The following SDCCAG8 variants were observed in gnomAD, a reference collection of about 807,000 sequenced individuals.
SDCCAG8 encodes the protein SHH signaling and ciliogenesis regulator SDCCAG8, also known as serologically defined colon cancer antigen 8.
SDCCAG8 carries 74 observed loss-of-function variants against 101.8 expected under a neutral mutation model. That is an observed-to-expected ratio of 0.73 (90% CI 0.60 to 0.88). The LOEUF is 0.88. Among genes scored for constraint, SDCCAG8 ranks in the 40% least tolerant of loss-of-function variants. The pLI, the probability that SDCCAG8 is intolerant of heterozygous loss-of-function variation, is 0.00. For missense variants in SDCCAG8, 787 were observed against 822.6 expected (o/e 0.96, Z 0.53); for synonymous variants, 281 against 292.9 (o/e 0.96, Z 0.41).
intron 12 of SDCCAG8, among the ~76,000 whole-genome samples, chr1:243,361,277 A>G (rs1003784733): frequency 1.3e-5 from 2 of 152,100 alleles, no homozygotes; most frequent in Non-Finnish European, 2.9e-5. Flanking sequence ...TTTCCTGACT[A>G]CCTTGTTTTA....
At chr1:243,404,784 G>A (rs146251208) in intron 13 of SDCCAG8, among the ~76,000 whole-genome samples, 4 of 151,962 alleles carry the variant, frequency 2.6e-5, no homozygotes, top group African/African-American at 7.2e-5. Context: ...TTGACCAAAG[G>A]CACACCATCT....
At chr1:243,494,949 C>T (rs1236837484) in intron 17 of SDCCAG8, among the ~76,000 whole-genome samples, 3 of 152,228 alleles carry the variant, frequency 2.0e-5, no homozygotes, top group Admixed American at 2.0e-4. Context: ...CACTTTCAAA[C>T]ATGAGGCAGC....
intron 13 of SDCCAG8, among the ~76,000 whole-genome samples, chr1:243,390,637 G>A (rs2078643653): frequency 6.6e-6 from 1 of 152,172 alleles, no homozygotes; most frequent in African/African-American, 2.4e-5. Flanking sequence ...CACTGGGGAT[G>A]CACTCATCTC....
At chr1:243,434,524 G>C (rs2082010734) in intron 16 of SDCCAG8, among the ~76,000 whole-genome samples, 1 of 152,190 alleles carries the variant, frequency 6.6e-6, no homozygotes, top group Admixed American at 6.5e-5. Flanking sequence ...CCTAGAGTTT[G>C]TTTCACTGGA....
At chr1:243,414,364 C>T (rs762824280) in intron 13 of SDCCAG8, among the ~76,000 whole-genome samples, 4 of 152,140 alleles carry the variant, frequency 2.6e-5, no homozygotes, top group African/African-American at 4.8e-5. Flanking sequence ...CCTAGTCTGA[C>T]TATCCATTTG....
chr1:243,479,074 G>A (rs903826571), intron 16 of SDCCAG8, among the ~76,000 whole-genome samples: 1 of 152,108 alleles, frequency 6.6e-6, no homozygotes, highest in African/African-American at 2.4e-5. Flanking sequence ...CCTCGTTCAC[G>A]AGATGGAATT....
rs941604656 is a variant in SDCCAG8 at position 243,256,240 on chromosome 1, G to A, written c.67G>A (p.Glu23Lys). 1 of 1,614,064 alleles carries A rather than the reference G, an allele frequency of 6.2e-7. No homozygotes were observed. The highest frequency in any genetic ancestry group is 8.5e-7 in the Non-Finnish European group (1 of 1,179,908). The part of the protein sequence containing the change: ...ILGQYQRSLR[E>K]HASRSIHQLT... ...GGGGCAGTATCAACGGAGTCTCCGG[G>A]GTGAGTTGCTCCAAACCTCTGTCCC... The change falls in exon 1 of 18, where the codon GAA becomes AAA. Residue 23 changes from glutamate (E) to lysine (K), a missense_variant and splice_region_variant. Coordinates refer to ENST00000366541, the MANE Select transcript of SDCCAG8 (RefSeq NM_006642.5).
intron 16 of SDCCAG8, among the ~76,000 whole-genome samples, chr1:243,457,644 T>C (rs999379733): frequency 2.6e-5 from 4 of 152,244 alleles, no homozygotes; most frequent in African/African-American, 9.6e-5. Context: ...TTTCAAAGTA[T>C]AGTATCTAAG....
At chr1:243,325,845 G>C (rs564337594) in intron 9 of SDCCAG8, among the ~76,000 whole-genome samples, 2 of 152,306 alleles carry the variant, frequency 1.3e-5, no homozygotes, top group South Asian at 4.1e-4. Flanking sequence ...AAATATTTTT[G>C]TTTGAAAATG....
rs533340685 is a variant in SDCCAG8 at position 243,319,470 on chromosome 1, A to G, written c.1068+2577A>G. On this transcript the variant is annotated intron_variant, in intron 9 of 17. Coordinates refer to ENST00000366541, the MANE Select transcript of SDCCAG8 (RefSeq NM_006642.5). ...CTCACTGTAACCTCAGCTTCCTGGAATCAAGTGATTCTCCCACCTCAGCCT... is the reference window on the plus strand; with the variant it reads ...CTCACTGTAACCTCAGCTTCCTGGAGTCAAGTGATTCTCCCACCTCAGCCT... Among the ~76,000 whole-genome samples the G allele has an allele frequency of 2.6e-5, 4 of 152,136 alleles. 1 individual carries two copies. In the East Asian group the frequency reaches 5.8e-4, roughly 22 times the overall value.
intron 12 of SDCCAG8, among the ~76,000 whole-genome samples, chr1:243,365,840 A>AT (rs1379645125): frequency 6.6e-6 from 1 of 152,030 alleles, no homozygotes. Flanking sequence ...ATGTATGTTG[A>AT]TTTTCCTGTA....
intron 16 of SDCCAG8, among the ~76,000 whole-genome samples, chr1:243,441,731 T>C (rs992496627): frequency 1.3e-5 from 2 of 152,230 alleles, no homozygotes; most frequent in South Asian, 2.1e-4. Flanking sequence ...TATCTTAACA[T>C]TGAGATTGTT....
rs769333887 is a variant in SDCCAG8, at chr1:243,274,651, T to C, written c.415T>C (p.Cys139Arg). 1.5e-5 allele frequency: 23 copies of C among 1,553,104 alleles called. No homozygotes were observed. The highest frequency in any genetic ancestry group is 1.7e-5 in the Admixed American group (1 of 59,870). ...IHHLEAEVKF[C>R]KEELSGMKNK... ...TCATTTAGAGGCAGAAGTTAAGTTC[T>C]GCAAGGTAAGTTTCTCATTAAGAAT... Residue 139 changes from cysteine (C) to arginine (R), a missense_variant, in exon 4 of 18, where the codon TGC (cysteine) becomes CGC (arginine). Coordinates refer to ENST00000366541, the MANE Select transcript of SDCCAG8 (RefSeq NM_006642.5).
Position 243,416,582 on chromosome 1 carries a change from A to G in SDCCAG8, c.1744+753A>G, listed in dbSNP as rs1262257553. Among the ~76,000 whole-genome samples, 1 of 152,208 alleles carries G rather than the reference A, an allele frequency of 6.6e-6. No homozygotes were observed. Among genetic ancestry groups the G allele is most frequent in the Non-Finnish European group, 1.5e-5 (1 of 68,036 alleles). On this transcript the variant is annotated intron_variant, in intron 14 of 17. Transcript: ENST00000366541. The surrounding 1 kb of genome is among the most constrained non-coding windows in gnomAD (Gnocchi z 4.3). ...GCTTGGCTAAAAATTGCCATCTTTC[A>G]TCACATTGGCACTATTCTGCAGACT... is the stretch of plus-strand genomic sequence containing the variant.
chr1:243,348,524 G>A (rs531939523), intron 12 of SDCCAG8, among the ~76,000 whole-genome samples: 3 of 152,212 alleles, frequency 2.0e-5, no homozygotes, highest in East Asian at 3.9e-4. Flanking sequence ...CCCACCCTAG[G>A]TGGAGGGACC....
intron 12 of SDCCAG8, among the ~76,000 whole-genome samples, chr1:243,346,715 C>G (rs1406385116): frequency 6.6e-6 from 1 of 152,188 alleles, no homozygotes; most frequent in African/African-American, 2.4e-5. Flanking sequence ...GATTATCCTT[C>G]CCATCAACTC....
At chr1:243,470,563 G>A (rs1259425285) in intron 16 of SDCCAG8, among the ~76,000 whole-genome samples, 3 of 151,622 alleles carry the variant, frequency 2.0e-5, no homozygotes, top group Non-Finnish European at 4.4e-5. Context: ...CACAGGCCAG[G>A]GGAGCCAGGA....
chr1:243,492,688 A>G (rs1485906870), intron 17 of SDCCAG8, among the ~76,000 whole-genome samples: 1 of 142,090 alleles, frequency 7.0e-6, no homozygotes, highest in Non-Finnish European at 1.5e-5. Flanking sequence ...GCCTACTGCA[A>G]CCTCTGCCTC....
At chr1:243,396,604 A>G (rs1443620449) in intron 13 of SDCCAG8, among the ~76,000 whole-genome samples, 1 of 152,194 alleles carries the variant, frequency 6.6e-6, no homozygotes, top group African/African-American at 2.4e-5. Flanking sequence ...AGTTAATGCT[A>G]TATAGTATGA....
Sources: allele counts gnomAD v4.1 joint callset (sites outside exome capture counted in the v4.1 genomes callset), GRCh38; gene constraint gnomAD v4.1.1; non-coding constraint Gnocchi (gnomAD v3.1); transcripts MANE v1.5; gene names NCBI Gene and HGNC (gene_info 2026-07-23, HGNC 2026-07-21).